The following CFH variants were observed in gnomAD, a reference collection of about 807,000 sequenced individuals.
CFH encodes complement factor H, also known as H factor 1 (complement).
A neutral mutation model predicts 147.3 loss-of-function variants in CFH; 53 were observed. The observed-to-expected ratio is 0.36, with a 90% confidence interval of 0.29 to 0.45. The LOEUF (loss-of-function observed/expected upper bound fraction) is 0.45, where lower values mean the gene tolerates loss of function less well. Among genes scored for constraint, CFH ranks in the 20% least tolerant of loss-of-function variants. The pLI is 1.00. For missense variants in CFH, 1,380 were observed against 1,498.0 expected (o/e 0.92, Z 1.30); for synonymous variants, 536 against 489.4 (o/e 1.10, Z -1.26).
Position 196,729,060 on chromosome 1 carries a change from G to A in CFH, c.2413+538G>A, listed in dbSNP as rs373871611. On this transcript the variant is annotated intron_variant, in intron 15 of 21. Transcript: ENST00000367429. Reference sequence around the variant, plus strand: ...CATATTGACACATACAGTTTCACTTGAATAGTGTAGGTTTTATTCCAGTCT... The same window carrying A: ...CATATTGACACATACAGTTTCACTTAAATAGTGTAGGTTTTATTCCAGTCT... 2.0e-5 allele frequency among the ~76,000 whole-genome samples: 3 copies of A among 152,048 alleles called. No homozygotes were observed. In the East Asian group the frequency reaches 5.8e-4, roughly 29 times the overall value.
intron 1 of CFH, among the ~76,000 whole-genome samples, chr1:196,659,469 G>A (rs77910422): frequency 0.039 from 5,861 of 152,192 alleles, 388 homozygotes; most frequent in African/African-American, 0.13. Context: ...TTGTTGAAGT[G>A]GCAGTGTATA....
intron 7 of CFH, among the ~76,000 whole-genome samples, chr1:196,687,805 A>G (rs557875062): frequency 2.0e-5 from 3 of 152,226 alleles, no homozygotes; most frequent in South Asian, 2.1e-4. Flanking sequence ...GACTAAGTAA[A>G]TGTTTTAATT....
rs1667274040 is a variant in CFH at position 196,671,459 on chromosome 1, T to C, written c.59-1519T>C. Reference sequence around the variant, plus strand: ...TTCTTGAGCCACTCAAAAATTTAACTCAGAGGGACCTGGGTAACACTTTTA... The same window carrying C: ...TTCTTGAGCCACTCAAAAATTTAACCCAGAGGGACCTGGGTAACACTTTTA... On this transcript the variant is annotated intron_variant, in intron 1 of 21. Coordinates refer to ENST00000367429, the MANE Select transcript of CFH (RefSeq NM_000186.4). Among the ~76,000 whole-genome samples the C allele has an allele frequency of 2.0e-5, 3 of 151,926 alleles. No homozygotes were observed. The South Asian group carries it at 6.2e-4, about 32-fold the overall frequency.
At chr1:196,700,932 C>A (rs1668432196) in intron 9 of CFH, 1 of 886,780 alleles carries the variant, frequency 1.1e-6, no homozygotes, top group African/African-American at 1.8e-5. Context: ...CACCCCATTT[C>A]CTTCTGTGTG....
Position 196,713,810 on chromosome 1 carries a change from A to G in CFH, c.1412A>G (p.Glu471Gly), listed in dbSNP as rs1299739801. 1 of 1,611,532 alleles carries G rather than the reference A, an allele frequency of 6.2e-7. No homozygotes were observed. The highest frequency in any genetic ancestry group is 1.7e-5 in the Admixed American group (1 of 59,846). ...TCTCAGTATACATATGCCTTAAAAG[A>G]AAAAGCGAAATATCAATGCAAACTA... is the stretch of plus-strand genomic sequence containing the variant. ...SESQYTYALK[E>G]KAKYQCKLGY... is the part of the protein sequence containing the mutation. Residue 471 changes from glutamate to glycine, a missense_variant, in exon 10 of 22, where the codon GAA (glutamate) becomes GGA (glycine). By Grantham distance (98) the Glu-to-Gly change is moderately conservative. Coordinates refer to ENST00000367429, the MANE Select transcript of CFH (RefSeq NM_000186.4).
intron 6 of CFH, among the ~76,000 whole-genome samples, chr1:196,683,613 A>G (rs1667728856): frequency 1.3e-5 from 2 of 151,828 alleles, no homozygotes; most frequent in African/African-American, 4.8e-5. Flanking sequence ...TTGATAAGGT[A>G]AGAAAGAGGG....
At position 196,719,147 on chromosome 1, in the gene CFH, G is replaced by A. The variant is rs569718600; in HGVS notation, c.1696+3378G>A. Among the ~76,000 whole-genome samples the A allele has an allele frequency of 4.6e-5, 7 of 152,050 alleles. No homozygotes were observed. The East Asian group carries it at 7.7e-4, about 17-fold the overall frequency. On this transcript the variant is annotated intron_variant, in intron 11 of 21. Transcript: ENST00000367429. ...GGACTTAGGGTTTTGAGTTTTAGAT[G>A]AAGAAAAATATTTCTAATTCATGGA... is the stretch of plus-strand genomic sequence containing the variant.
intron 9 of CFH, 31 bp downstream of exon 9, chr1:196,690,270 T>C: frequency 6.2e-7 from 1 of 1,611,294 alleles, no homozygotes; most frequent in African/African-American, 1.3e-5. Flanking sequence ...TCCTAGCATG[T>C]TCATGTCTTT....
chr1:196,725,688 A>T (rs1669119330), intron 12 of CFH, among the ~76,000 whole-genome samples: 1 of 152,208 alleles, frequency 6.6e-6, no homozygotes, highest in Non-Finnish European at 1.5e-5. Flanking sequence ...TAGAAAGGGA[A>T]GAGGAGCCAC....
intron 1 of CFH, among the ~76,000 whole-genome samples, chr1:196,661,573 C>T (rs1017479135): frequency 6.6e-6 from 1 of 152,168 alleles, no homozygotes; most frequent in Non-Finnish European, 1.5e-5. Context: ...TGTGGTGCCT[C>T]TTCTATAAAG....
chr1:196,729,353 G>T (rs796851785), intron 15 of CFH, among the ~76,000 whole-genome samples: 1 of 151,894 alleles, frequency 6.6e-6, no homozygotes, highest in African/African-American at 2.4e-5. Flanking sequence ...TAAAATGATC[G>T]TATAGTTATC....
At chr1:196,704,361 CT>C (rs1351885216) in intron 9 of CFH, among the ~76,000 whole-genome samples, 1 of 152,180 alleles carries the variant, frequency 6.6e-6, no homozygotes, top group Admixed American at 6.5e-5. Flanking sequence ...TCCCAAAGTG[CT>C]GGGAGCTGGG....
chr1:196,652,227 A>G (rs1666525282), intron 1 of CFH, 52 bp downstream of exon 1: 1 of 1,375,584 alleles, frequency 7.3e-7, no homozygotes, highest in South Asian at 1.2e-5. Context: ...AACATTTGCT[A>G]ATGATGCTTT....
intron 15 of CFH, among the ~76,000 whole-genome samples, chr1:196,731,878 T>G (rs1331431087): frequency 1.3e-5 from 2 of 152,050 alleles, no homozygotes; most frequent in Admixed American, 6.6e-5. Context: ...GGAAATTCCA[T>G]TTTATGTAAC....
At chr1:196,744,349 A>G (rs1165881146) in intron 20 of CFH, among the ~76,000 whole-genome samples, 1 of 152,052 alleles carries the variant, frequency 6.6e-6, no homozygotes, top group African/African-American at 2.4e-5. Flanking sequence ...TAGGACTTAA[A>G]TCTCTGTCGT....
At chr1:196,728,960 ATTCATCTACCTG>A (rs1669216107) in intron 15 of CFH, among the ~76,000 whole-genome samples, 1 of 151,986 alleles carries the variant, frequency 6.6e-6, no homozygotes, top group Non-Finnish European at 1.5e-5. Context: ...CTCTCTGTCT[ATTCATCTACCTG>A]TTCATCTACC....
chr1:196,725,907 T>G (rs529901656), intron 12 of CFH, among the ~76,000 whole-genome samples: 1 of 152,282 alleles, frequency 6.6e-6, no homozygotes, highest in African/African-American at 2.4e-5. Flanking sequence ...AGTTTCAACA[T>G]GGGGTTGGAG....
intron 19 of CFH, among the ~76,000 whole-genome samples, chr1:196,742,384 A>T (rs1652838150): frequency 1.3e-5 from 2 of 152,202 alleles, no homozygotes; most frequent in African/African-American, 4.8e-5. Context: ...TCAAAAAAAT[A>T]AATAAACCTG....
At chr1:196,680,560 G>A (rs1358359054) in intron 6 of CFH, among the ~76,000 whole-genome samples, 1 of 151,862 alleles carries the variant, frequency 6.6e-6, no homozygotes, top group Non-Finnish European at 1.5e-5. Flanking sequence ...CTATAGTGTG[G>A]TGATAACAGT....
Sources: allele counts gnomAD v4.1 joint callset (sites outside exome capture counted in the v4.1 genomes callset), GRCh38; gene constraint gnomAD v4.1.1; transcripts MANE v1.5; gene names NCBI Gene and HGNC (gene_info 2026-07-23, HGNC 2026-07-21).